ELMO1: variants seen among roughly 807,000 people sequenced by gnomAD.
ELMO1 encodes the protein engulfment and cell motility protein 1.
In ELMO1, 26 loss-of-function variants were observed where a neutral mutation model predicts 98.9. The observed-to-expected ratio is 0.26, with a 90% CI of 0.19 to 0.36. The LOEUF is 0.36. ELMO1 is among the 10% of genes least tolerant of loss of function. ELMO1 has a pLI of 1.00. For synonymous variants in ELMO1, 346 were observed against 346.0 expected (o/e 1.00, Z 0.00); for missense variants, 627 against 935.2 (o/e 0.67, Z 4.30).
chr7:37,053,012 C>T (rs1223369174), intron 15 of ELMO1, among the ~76,000 whole-genome samples: 1 of 152,128 alleles, frequency 6.6e-6, no homozygotes, highest in Non-Finnish European at 1.5e-5. Flanking sequence ...CAGAAAGAAT[C>T]CAGTTCTCTG....
At chr7:37,314,034 G>A (rs142941239) in intron 4 of ELMO1, among the ~76,000 whole-genome samples, 2 of 152,276 alleles carry the variant, frequency 1.3e-5, no homozygotes, top group East Asian at 1.9e-4. Flanking sequence ...TGTCGGATGC[G>A]AAACTATTGT....
intron 17 of ELMO1, among the ~76,000 whole-genome samples, chr7:36,889,837 C>CA (rs1805398394): frequency 1.3e-5 from 2 of 152,186 alleles, no homozygotes; most frequent in Admixed American, 1.3e-4. Context: ...TTATAAGCCT[C>CA]AAAGGACTAC....
intron 16 of ELMO1, among the ~76,000 whole-genome samples, chr7:36,968,922 T>C (rs1163783444): frequency 6.6e-6 from 1 of 152,116 alleles, no homozygotes; most frequent in Non-Finnish European, 1.5e-5. Context: ...TTTGGCTATA[T>C]CCCATAAGTT....
intron 5 of ELMO1, chr7:37,270,489 C>T (rs1430578091): frequency 6.6e-6 from 1 of 152,192 alleles, no homozygotes; most frequent in Non-Finnish European, 1.5e-5. Context: ...TAGTCTACCA[C>T]ATGGCTTCAG....
intron 1 of ELMO1, among the ~76,000 whole-genome samples, chr7:37,384,882 G>C (rs1365425158): frequency 1.3e-5 from 2 of 152,168 alleles, no homozygotes; most frequent in Non-Finnish European, 2.9e-5. Flanking sequence ...AAAAAGACAT[G>C]AGTAAAAATG....
chr7:37,431,929 T>G (rs1027966105), intron 1 of ELMO1, among the ~76,000 whole-genome samples: 17 of 152,226 alleles, frequency 1.1e-4, no homozygotes, highest in Non-Finnish European at 2.9e-5. Flanking sequence ...TTGCCCAGGC[T>G]GGAGTGCAAT....
rs138975870 is a variant in ELMO1, at chr7:36,871,639, T to C, written c.1823-1164A>G. Among the ~76,000 whole-genome samples, 90 of 152,262 alleles carry C rather than the reference T, an allele frequency of 5.9e-4. 2 individuals carry two copies. The East Asian group carries it at 0.017, about 29-fold the overall frequency. ...ATGAAGATGATGAGAGATTTCACAG[T>C]TAAAGCTCACATCCTTTCATTGGGA... On this transcript the variant is annotated intron_variant, in intron 19 of 21. Coordinates refer to ENST00000310758, the MANE Select transcript of ELMO1 (RefSeq NM_014800.11).
Position 37,006,160 on chromosome 7 carries a change from AC to A in ELMO1, c.1437+7138del, listed in dbSNP as rs1233976557. Reference sequence around the variant, plus strand: ...TGGTCAAAATCCCCTCTGTGGCCAAACTAAAGTTCAACGCACCCCCATACAG... The same window carrying A: ...TGGTCAAAATCCCCTCTGTGGCCAAATAAAGTTCAACGCACCCCCATACAG... On this transcript the variant is annotated intron_variant, in intron 16 of 21. Transcript: ENST00000310758. Among the ~76,000 whole-genome samples the A allele has an allele frequency of 2.0e-5, 3 of 152,314 alleles. No homozygotes were observed. In the East Asian group the frequency reaches 5.8e-4, roughly 29 times the overall value.
At chr7:37,086,880 C>A (rs910228801) in intron 15 of ELMO1, among the ~76,000 whole-genome samples, 6 of 138,968 alleles carry the variant, frequency 4.3e-5, no homozygotes, top group Admixed American at 2.8e-4. Context: ...CATCCTAATT[C>A]CCAGTGATAC....
At chr7:36,895,144 G>A (rs1040964567) in intron 16 of ELMO1, 127 bp from the exon 17 acceptor site, 57 of 1,071,904 alleles carry the variant, frequency 5.3e-5, no homozygotes, top group Non-Finnish European at 6.9e-5. Flanking sequence ...TTAACCTTGA[G>A]CATGCTTTTC....
At position 37,314,441 on chromosome 7, in the gene ELMO1, T is replaced by G. The variant is rs571682100; in HGVS notation, c.192+409A>C. The stretch of plus-strand genomic sequence containing the variant: ...AGATTCATAGAACACTCTTAGTGCC[T>G]ACATACATAATTCCACATTTGAAAA... On this transcript the variant is annotated intron_variant, in intron 4 of 21. Transcript: ENST00000310758. Among the ~76,000 whole-genome samples the G allele has an allele frequency of 2.2e-4, 34 of 152,346 alleles. No individual in the cohort carries two copies. In the South Asian group the frequency reaches 6.8e-3, roughly 31 times the overall value.
At chr7:37,244,991 G>C (rs1794926568) in intron 6 of ELMO1, among the ~76,000 whole-genome samples, 1 of 152,068 alleles carries the variant, frequency 6.6e-6, no homozygotes, top group South Asian at 2.1e-4. Flanking sequence ...AAAAAACTAG[G>C]CTCAAGAATA....
chr7:37,336,019 G>C (rs1426125055), intron 2 of ELMO1, among the ~76,000 whole-genome samples: 1 of 152,090 alleles, frequency 6.6e-6, no homozygotes, highest in Admixed American at 6.6e-5. Context: ...TTAAGTCCAG[G>C]AGTTTGAGAC....
At chr7:37,322,843 C>T (rs958083607) in intron 2 of ELMO1, among the ~76,000 whole-genome samples, 20 of 151,964 alleles carry the variant, frequency 1.3e-4, no homozygotes, top group African/African-American at 4.4e-4. Context: ...GGTATTGAGA[C>T]CAAATTATTT....
At chr7:37,388,058 T>C (rs1435167923) in intron 1 of ELMO1, among the ~76,000 whole-genome samples, 1 of 152,056 alleles carries the variant, frequency 6.6e-6, no homozygotes, top group Non-Finnish European at 1.5e-5. Flanking sequence ...AGCTGGTCTC[T>C]AACTCCTGGC....
chr7:37,281,706 C>T (rs1342015696), intron 4 of ELMO1, among the ~76,000 whole-genome samples: 2 of 152,144 alleles, frequency 1.3e-5, no homozygotes, highest in Admixed American at 6.6e-5. Flanking sequence ...TCGTCACAGT[C>T]TAAACTTTTC....
At chr7:37,088,114 C>T (rs1012595972) in intron 15 of ELMO1, among the ~76,000 whole-genome samples, 2 of 152,142 alleles carry the variant, frequency 1.3e-5, no homozygotes, top group African/African-American at 4.8e-5. Flanking sequence ...TAAGAGACAA[C>T]AGGAATGGAT....
At chr7:37,390,264 C>A (rs1803011073) in intron 1 of ELMO1, among the ~76,000 whole-genome samples, 1 of 152,224 alleles carries the variant, frequency 6.6e-6, no homozygotes, top group Admixed American at 6.5e-5. Flanking sequence ...AGAAGCATTT[C>A]TTCACAGCTG....
intron 15 of ELMO1, among the ~76,000 whole-genome samples, chr7:37,087,955 A>G (rs918626513): frequency 2.2e-4 from 34 of 152,198 alleles, no homozygotes; most frequent in Non-Finnish European, 4.9e-4. Context: ...GAGGAATCAG[A>G]ACAGTCACCC....
Sources: gnomAD v4.1 joint callset for allele counts (sites outside exome capture counted in the v4.1 genomes callset) on GRCh38, gnomAD v4.1.1 for gene constraint, MANE v1.5 for transcripts, NCBI Gene and HGNC (gene_info 2026-07-23, HGNC 2026-07-21) for gene names.